Variants in ZFHX4 observed in about 807,000 individuals in gnomAD.
ZFHX4 encodes the protein zinc finger homeobox 4, also known as zinc finger homeobox protein 4.
In ZFHX4, 56 loss-of-function variants were observed where a neutral mutation model predicts 267.6. The observed-to-expected ratio is 0.21, with a 90% CI of 0.17 to 0.26. The LOEUF (loss-of-function observed/expected upper bound fraction) is 0.26, where lower values mean the gene tolerates loss of function less well. Among genes scored for constraint, ZFHX4 ranks in the 10% least tolerant of loss-of-function variants. ZFHX4 has a pLI of 1.00. For synonymous variants in ZFHX4, 1,778 were observed against 1,665.6 expected, an observed-to-expected ratio of 1.07 and a Z score of -1.64; for missense variants, 4,332 against 4,420.0, an observed-to-expected ratio of 0.98 and a Z score of 0.56.
chr8:76,714,906 G>A (rs899752609), intron 3 of ZFHX4, among the ~76,000 whole-genome samples: 5 of 152,142 alleles, frequency 3.3e-5, no homozygotes, highest in African/African-American at 1.2e-4. Flanking sequence ...ATCTATGGAC[G>A]TAGTCATCAA....
At chr8:76,701,784 CTT>C (rs974275258) in intron 1 of ZFHX4, among the ~76,000 whole-genome samples, 6 of 152,118 alleles carry the variant, frequency 3.9e-5, no homozygotes, top group Non-Finnish European at 5.9e-5. Flanking sequence ...TTTCCTCACT[CTT>C]TCTAATTAAA....
chr8:76,796,840 T>G (rs963718376), intron 4 of ZFHX4, among the ~76,000 whole-genome samples: 2 of 152,144 alleles, frequency 1.3e-5, no homozygotes, highest in African/African-American at 2.4e-5. Flanking sequence ...TGAAGAGGTG[T>G]TTTTGTTTTT....
At chr8:76,779,995 G>A (rs2131777088) in intron 4 of ZFHX4, among the ~76,000 whole-genome samples, 1 of 151,770 alleles carries the variant, frequency 6.6e-6, no homozygotes, top group East Asian at 1.9e-4. Flanking sequence ...TTAAATAAGA[G>A]TTAGAACCAT....
At chr8:76,776,400 G>T (rs1810402270) in intron 3 of ZFHX4, among the ~76,000 whole-genome samples, 1 of 152,084 alleles carries the variant, frequency 6.6e-6, no homozygotes, top group Admixed American at 6.6e-5. Flanking sequence ...GCGTCCTGTG[G>T]CCTCAGGCAA....
chr8:76,842,573 T>G (rs1193914093), intron 5 of ZFHX4, 82 bp from the exon 6 acceptor site: 1 of 970,072 alleles, frequency 1.0e-6, no homozygotes, highest in African/African-American at 1.7e-5. Flanking sequence ...ATAACAAAGT[T>G]TTCAAGTGGC....
At chr8:76,733,093 A>G (rs977642357) in intron 3 of ZFHX4, among the ~76,000 whole-genome samples, 7 of 152,114 alleles carry the variant, frequency 4.6e-5, no homozygotes, top group African/African-American at 1.4e-4. Context: ...TTGTTTTTTA[A>G]TTGCAGAAAG....
intron 4 of ZFHX4, among the ~76,000 whole-genome samples, chr8:76,803,265 T>TG (rs757720643): frequency 6.9e-5 from 10 of 145,460 alleles, no homozygotes; most frequent in African/African-American, 1.9e-4. Flanking sequence ...CGTGTGTGCG[T>TG]GTGTGTGTGT....
rs1813033425 is a variant in ZFHX4 at position 76,866,461 on chromosome 8, T to C, written c.*1896T>C. ...ACTTTTTTAATGTCTTTAATTTGGATTTTTTTTTTTTTTAGTATTTTAACA... is the reference window on the plus strand; with the variant it reads ...ACTTTTTTAATGTCTTTAATTTGGACTTTTTTTTTTTTTAGTATTTTAACA... On this transcript the variant is annotated 3_prime_UTR_variant, in exon 11 of 11. Coordinates refer to ENST00000651372, the MANE Select transcript of ZFHX4 (RefSeq NM_024721.5). The C allele has an allele frequency of 1.6e-5, 2 of 128,562 alleles. No individual in the cohort carries two copies. The highest frequency in any genetic ancestry group is 1.5e-4 in the Admixed American group (2 of 13,012). 8.0% of individuals were successfully genotyped at this position (128,562 alleles called of 1,614,324 possible).
chr8:76,822,450 C>CTGTTTTTTTTTTTTTTTTTT (rs1418711368), intron 4 of ZFHX4, among the ~76,000 whole-genome samples: 1 of 137,416 alleles, frequency 7.3e-6, no homozygotes, highest in Admixed American at 7.4e-5. Context: ...CTGTGTCTAC[C>CTGTTTTTTTTTTTTTTTTTT]TCTTTTTTTT....
chr8:76,850,291 C>T lies in ZFHX4; in HGVS notation c.3893C>T (p.Ala1298Val). 6.2e-7 allele frequency: 1 copy of T among 1,613,336 alleles called. No individual in the cohort carries two copies. The highest frequency in any genetic ancestry group is 8.5e-7 in the Non-Finnish European group (1 of 1,179,696). Reference sequence around the variant, plus strand: ...ATGCCAAACAGTATGCTACTGCCAGCAGCTGCCTCTGAGAAATCAGAGCGG... The same window carrying T: ...ATGCCAAACAGTATGCTACTGCCAGTAGCTGCCTCTGAGAAATCAGAGCGG... The part of the protein sequence containing the change: ...VMMPNSMLLP[A>V]AASEKSERDT... Residue 1298 changes from alanine (A) to valine (V), a missense_variant, in exon 9 of 11, where the codon GCA becomes GTA. By Grantham distance (64) the Ala-to-Val change is moderately conservative (BLOSUM62 0). Around this residue, in one of 7 missense-constraint regions of ZFHX4, gnomAD observed 1,371 missense variants for 1,423.1 expected, o/e 0.96. Transcript: ENST00000651372.
At chr8:76,845,172 T>C (rs780166547) in intron 6 of ZFHX4, among the ~76,000 whole-genome samples, 2 of 152,010 alleles carry the variant, frequency 1.3e-5, no homozygotes, top group African/African-American at 2.4e-5. Context: ...TCTGCAGGAG[T>C]AGAGCTTTCA....
intron 3 of ZFHX4, among the ~76,000 whole-genome samples, chr8:76,733,800 G>A (rs1809084769): frequency 6.6e-6 from 1 of 152,068 alleles, no homozygotes; most frequent in Non-Finnish European, 1.5e-5. Context: ...GCTAATATGA[G>A]ACACATGCTA....
intron 4 of ZFHX4, among the ~76,000 whole-genome samples, chr8:76,808,512 A>G (rs1000473857): frequency 2.6e-5 from 4 of 152,214 alleles, no homozygotes; most frequent in Non-Finnish European, 4.4e-5. Flanking sequence ...ATCCCAGCGC[A>G]AATGACTGAA....
At chr8:76,828,360 G>A (rs187919509) in intron 4 of ZFHX4, among the ~76,000 whole-genome samples, 214 of 152,218 alleles carry the variant, frequency 1.4e-3, no homozygotes, top group African/African-American at 5.0e-3. Context: ...GTCCAGCGGG[G>A]AGGTACAGAG....
At chr8:76,835,057 T>A (rs1375612535) in intron 5 of ZFHX4, among the ~76,000 whole-genome samples, 1 of 150,978 alleles carries the variant, frequency 6.6e-6, no homozygotes, top group African/African-American at 2.4e-5. Context: ...TTCACCTAAA[T>A]TATAGGTTTT....
intron 4 of ZFHX4, among the ~76,000 whole-genome samples, chr8:76,796,423 A>C (rs1299917548): frequency 1.3e-5 from 2 of 152,226 alleles, no homozygotes; most frequent in Non-Finnish European, 2.9e-5. Flanking sequence ...CTAGTATAAC[A>C]ATAAAATCTA....
chr8:76,777,193 A>G (rs887742418), intron 3 of ZFHX4, among the ~76,000 whole-genome samples: 20 of 152,130 alleles, frequency 1.3e-4, no homozygotes, highest in Admixed American at 6.5e-5. Context: ...TCTTGTTTGT[A>G]TGGAATTGAA....
intron 3 of ZFHX4, among the ~76,000 whole-genome samples, chr8:76,763,638 A>G (rs980960155): frequency 3.9e-5 from 6 of 152,132 alleles, no homozygotes; most frequent in African/African-American, 1.4e-4. Context: ...CAAACAAACA[A>G]ACAGAAAAAC....
At chr8:76,703,881 A>T (rs1808168818) in intron 1 of ZFHX4, among the ~76,000 whole-genome samples, 162 bp from the exon 2 acceptor site, 1 of 152,218 alleles carries the variant, frequency 6.6e-6, no homozygotes, top group African/African-American at 2.4e-5. Context: ...TGCTACATTT[A>T]TACAAAGTCC....
Sources: allele counts gnomAD v4.1 joint callset (sites outside exome capture counted in the v4.1 genomes callset), GRCh38; gene constraint gnomAD v4.1.1; regional missense constraint gnomAD v4.1.1; transcripts MANE v1.5; gene names NCBI Gene and HGNC (gene_info 2026-07-23, HGNC 2026-07-21).